Variants in METTL24 observed in about 807,000 individuals in gnomAD.
The protein encoded by METTL24 is probable methyltransferase-like protein 24.
METTL24 carries 29 observed loss-of-function variants against 32.7 expected under a neutral mutation model. The observed-to-expected ratio is 0.89, with a 90% CI of 0.66 to 1.21. METTL24 has a LOEUF of 1.21. METTL24 is among the 50% of genes most tolerant of loss of function. The probability of loss-of-function intolerance (pLI) is 0.00; values close to 1 mark genes in which losing one functional copy is unlikely to be tolerated. For synonymous variants in METTL24, 163 were observed against 179.5 expected (o/e 0.91, Z 0.73); for missense variants, 439 against 468.1 (o/e 0.94, Z 0.57).
Position 110,254,060 on chromosome 6 carries a change from T to TA in METTL24, c.787-7801dup, listed in dbSNP as rs983871688. 3.0e-4 allele frequency: 241 copies of TA among 811,772 alleles called. 2 individuals carry two copies. Among genetic ancestry groups the TA allele is most frequent in the Non-Finnish European group, 3.7e-4 (216 of 589,150 alleles). 50.3% of individuals were successfully genotyped at this position (811,772 alleles called of 1,614,324 possible). ...CATTTGGGAAAAGAGCTCTCCTGCT[T>TA]AAAAAAAATATGAAAGCCTCTATCA... On this transcript the variant is annotated intron_variant, in intron 4 of 4. Coordinates refer to ENST00000338882, the MANE Select transcript of METTL24 (RefSeq NM_001123364.3).
At chr6:110,307,933 A>C (rs2114740582) in intron 3 of METTL24, among the ~76,000 whole-genome samples, 1 of 152,330 alleles carries the variant, frequency 6.6e-6, no homozygotes, top group East Asian at 1.9e-4. Flanking sequence ...GTTAGAAGTA[A>C]CTGCAAACTT....
At chr6:110,310,104 T>A (rs1562233572) in intron 3 of METTL24, among the ~76,000 whole-genome samples, 2 of 152,184 alleles carry the variant, frequency 1.3e-5, no homozygotes, top group South Asian at 4.1e-4. Flanking sequence ...ATGAAAATAT[T>A]TGGCTCTTTC....
chr6:110,311,836 A>G (rs1431776933), intron 3 of METTL24, among the ~76,000 whole-genome samples: 1 of 152,128 alleles, frequency 6.6e-6, no homozygotes, highest in Admixed American at 6.5e-5. Flanking sequence ...GAAAATAAGA[A>G]ACTTCTTTTG....
chr6:110,329,092 G>A (rs1772067816), intron 1 of METTL24, among the ~76,000 whole-genome samples: 1 of 152,206 alleles, frequency 6.6e-6, no homozygotes, highest in South Asian at 2.1e-4. Context: ...TAATGTAAAT[G>A]ATCAGTTTCT....
chr6:110,276,984 T>C (rs1582396534), intron 4 of METTL24, among the ~76,000 whole-genome samples: 1 of 152,290 alleles, frequency 6.6e-6, no homozygotes, highest in South Asian at 2.1e-4. Flanking sequence ...TAGATGGCAC[T>C]TGGCACTCAC....
At chr6:110,272,103 G>C (rs1463251423) in intron 4 of METTL24, among the ~76,000 whole-genome samples, 1 of 152,008 alleles carries the variant, frequency 6.6e-6, no homozygotes, top group Non-Finnish European at 1.5e-5. Context: ...ATGTGGTCTT[G>C]TCTCCCTCAC....
intron 1 of METTL24, among the ~76,000 whole-genome samples, chr6:110,338,832 C>T (rs1006218729): frequency 3.3e-5 from 5 of 152,116 alleles, no homozygotes; most frequent in South Asian, 2.1e-4. Flanking sequence ...AGTTAGCTTT[C>T]GTAATTCCAA....
chr6:110,247,806 T>C (rs2114688282), intron 4 of METTL24, among the ~76,000 whole-genome samples: 1 of 152,302 alleles, frequency 6.6e-6, no homozygotes, highest in South Asian at 2.1e-4. Context: ...TGCATGTCTG[T>C]TTGATAAGTT....
At chr6:110,310,090 T>C (rs1007572406) in intron 3 of METTL24, among the ~76,000 whole-genome samples, 2 of 152,196 alleles carry the variant, frequency 1.3e-5, no homozygotes, top group Non-Finnish European at 1.5e-5. Context: ...TAAACTATTA[T>C]AAGATGAAAA....
At chr6:110,344,664 T>C (rs1772433490) in intron 1 of METTL24, among the ~76,000 whole-genome samples, 1 of 152,102 alleles carries the variant, frequency 6.6e-6, no homozygotes, top group South Asian at 2.1e-4. Context: ...CAAGTTAGTG[T>C]TTCCCAAGCA....
intron 2 of METTL24, among the ~76,000 whole-genome samples, chr6:110,320,172 A>G (rs1000788661): frequency 6.6e-6 from 1 of 152,198 alleles, no homozygotes. Flanking sequence ...AGGGAAGTAT[A>G]TTTCTTAATG....
chr6:110,270,385 G>A (rs1770934282), intron 4 of METTL24, among the ~76,000 whole-genome samples: 1 of 152,004 alleles, frequency 6.6e-6, no homozygotes, highest in Non-Finnish European at 1.5e-5. Context: ...GGTTCCAATG[G>A]CATTTTTTTC....
chr6:110,266,398 T>A (rs1770858621), intron 4 of METTL24, among the ~76,000 whole-genome samples: 2 of 144,186 alleles, frequency 1.4e-5, no homozygotes, highest in Admixed American at 1.3e-4. Flanking sequence ...ACCAATAATC[T>A]GTGTCTTTTG....
rs777225435 is a variant in METTL24, at chr6:110,315,371, G to A, written c.528C>T (p.Arg176=). 10 of 1,614,028 alleles carry A rather than the reference G, an allele frequency of 6.2e-6. No homozygotes were observed. In the Admixed American group the frequency reaches 1.7e-4, roughly 27 times the overall value. ...AGGAGTAGAGGCGGCACTGCTTGTT[G>A]CGGATTTGATGAGCTAAATTGAACC... ...DDRFNLAHQI[R]NKQCRLYSLG... The change falls in exon 3 of 5, where the codon CGC becomes CGT. Residue 176 remains arginine (R), a synonymous_variant. Transcript: ENST00000338882.
chr6:110,348,354 C>T (rs973342851), intron 1 of METTL24, among the ~76,000 whole-genome samples: 5 of 152,224 alleles, frequency 3.3e-5, no homozygotes, highest in Non-Finnish European at 7.3e-5. Flanking sequence ...GATGAAGCTG[C>T]ACCATACTGA....
At position 110,343,059 on chromosome 6, in the gene METTL24, T is replaced by C. The variant is rs376722499; in HGVS notation, c.318+14896A>G. Among the ~76,000 whole-genome samples the C allele has an allele frequency of 1.1e-3, 167 of 152,308 alleles. 1 individual carries two copies. Among genetic ancestry groups the C allele is most frequent in the African/African-American group, 3.6e-3 (150 of 41,560 alleles). On this transcript the variant is annotated intron_variant, in intron 1 of 4. Coordinates refer to ENST00000338882, the MANE Select transcript of METTL24 (RefSeq NM_001123364.3). Reference sequence around the variant, plus strand: ...AACATGTTTTCAGTTGTCTTAGGTATATACCTGGAATGCAATTGCTGGGTC... The same window carrying C: ...AACATGTTTTCAGTTGTCTTAGGTACATACCTGGAATGCAATTGCTGGGTC...
chr6:110,338,496 T>C lies in METTL24; in HGVS notation c.319-15624A>G, dbSNP rs116470163. ...CTGGGCAACAGAGCAAGATTCTGTCTCAAAAAACAAAGCCAAAGGAAAACA... is the reference window on the plus strand; with the variant it reads ...CTGGGCAACAGAGCAAGATTCTGTCCCAAAAAACAAAGCCAAAGGAAAACA... On this transcript the variant is annotated intron_variant, in intron 1 of 4. Coordinates refer to ENST00000338882, the MANE Select transcript of METTL24 (RefSeq NM_001123364.3). Among the ~76,000 whole-genome samples, 426 of 152,232 alleles carry C rather than the reference T, an allele frequency of 2.8e-3. 3 individuals are homozygous for C. Among genetic ancestry groups the C allele is most frequent in the African/African-American group, 9.5e-3 (394 of 41,516 alleles).
At chr6:110,268,007 C>T (rs1167177002) in intron 4 of METTL24, among the ~76,000 whole-genome samples, 3 of 152,164 alleles carry the variant, frequency 2.0e-5, no homozygotes, top group African/African-American at 7.2e-5. Context: ...CGCCTCACAC[C>T]AGGTCCTACC....
In METTL24 at chr6:110,250,208, A is replaced by C. The variant is rs758518125; in HGVS notation, c.787-3948T>G. On this transcript the variant is annotated intron_variant, in intron 4 of 4. Transcript: ENST00000338882. The stretch of plus-strand genomic sequence containing the variant: ...ATTGTGTTGTCTCACAGTTGTGAAG[A>C]CTAGAATTCCAAGATCAAGTGTCCC... 1.6e-3 allele frequency among the ~76,000 whole-genome samples: 238 copies of C among 152,052 alleles called. 2 individuals carry two copies. Among genetic ancestry groups the C allele is most frequent in the Non-Finnish European group, 1.6e-3 (107 of 67,876 alleles).
Sources: allele counts gnomAD v4.1 joint callset (sites outside exome capture counted in the v4.1 genomes callset), GRCh38; gene constraint gnomAD v4.1.1; transcripts MANE v1.5; gene names NCBI Gene and HGNC (gene_info 2026-07-23, HGNC 2026-07-21).